The following MARK4 variants were observed in gnomAD, a reference collection of about 807,000 sequenced individuals.
The protein encoded by MARK4 is MAP/microtubule affinity-regulating kinase 4.
MARK4 carries 19 observed loss-of-function variants against 81.5 expected under a neutral mutation model. That is an observed-to-expected ratio of 0.23 (90% CI 0.16 to 0.34). The LOEUF (loss-of-function observed/expected upper bound fraction) is 0.34, where lower values mean the gene tolerates loss of function less well. Ranked by LOEUF, MARK4 falls within the 10% of genes least tolerant of loss-of-function variation. MARK4 has a pLI of 1.00. For missense variants in MARK4, 772 were observed against 1,058.8 expected, an observed-to-expected ratio of 0.73 and a Z score of 3.76; for synonymous variants, 436 against 439.0, an observed-to-expected ratio of 0.99 and a Z score of 0.08.
intron 8 of MARK4, among the ~76,000 whole-genome samples, 175 bp from the exon 9 acceptor site, chr19:45,277,748 T>A (rs368996981): frequency 7.9e-5 from 12 of 151,438 alleles, no homozygotes; most frequent in African/African-American, 2.9e-4. Flanking sequence ...GAGAAAGGAA[T>A]GGGGTTTTGC....
chr19:45,301,577 A>AAAAAAAAAAAC, intron 16 of MARK4, among the ~76,000 whole-genome samples: 1 of 144,256 alleles, frequency 6.9e-6, no homozygotes, highest in Non-Finnish European at 1.5e-5. Flanking sequence ...AAAAAAAAAA[A>AAAAAAAAAAAC]AAGCCGGGCG....
intron 9 of MARK4, 108 bp downstream of exon 9, chr19:45,278,150 T>A: frequency 6.8e-7 from 1 of 1,476,678 alleles, no homozygotes; most frequent in Non-Finnish European, 9.2e-7. Context: ...TCCTCTCCTG[T>A]GCCCACCGAA....
Position 45,286,094 on chromosome 19 carries a change from T to C in MARK4, c.1277-1353T>C, listed in dbSNP as rs186149510. Reference sequence around the variant, plus strand: ...TGTTTTTTGACGGAGTCTCGCACTGTTGCCAGACTGGAGTGCAATGGTGTG... The same window carrying C: ...TGTTTTTTGACGGAGTCTCGCACTGCTGCCAGACTGGAGTGCAATGGTGTG... On this transcript the variant is annotated intron_variant, in intron 12 of 16. Transcript: ENST00000262891. Among the ~76,000 whole-genome samples, 18 of 152,254 alleles carry C rather than the reference T, an allele frequency of 1.2e-4. No homozygotes were observed. In the East Asian group the frequency reaches 3.5e-3, roughly 30 times the overall value.
chr19:45,277,852 TG>T, intron 8 of MARK4, 70 bp from the exon 9 acceptor site: 2 of 1,426,300 alleles, frequency 1.4e-6, no homozygotes, highest in African/African-American at 2.8e-5. Context: ...TGTGTGTGTG[TG>T]TGTGTGTGTG....
In MARK4 at chr19:45,266,292, G is replaced by A. The variant is rs370210425; in HGVS notation, c.549+11G>A. The A allele has an allele frequency of 2.8e-4, 452 of 1,613,442 alleles. No individual in the cohort carries two copies. The Middle Eastern group carries it at 4.3e-3, about 15-fold the overall frequency. ...CACAGGGACCTGAAGGTAAGCCCCC[G>A]ACCCGCTGTGATCTCAGGGACCACG... is the stretch of plus-strand genomic sequence containing the variant. On this transcript the variant is annotated intron_variant, in intron 7 of 16. Transcript: ENST00000262891.
intron 14 of MARK4, among the ~76,000 whole-genome samples, chr19:45,297,234 A>G (rs975736455): frequency 1.3e-5 from 2 of 152,158 alleles, no homozygotes; most frequent in African/African-American, 2.4e-5. Context: ...CCAGATTACC[A>G]TAGTGAATAC....
chr19:45,252,336 C>T (rs1028266853), intron 1 of MARK4, among the ~76,000 whole-genome samples: 11 of 152,114 alleles, frequency 7.2e-5, no homozygotes, highest in Admixed American at 7.2e-4. Flanking sequence ...GCCACCTGGA[C>T]CCTTTCTGGT....
intron 1 of MARK4, among the ~76,000 whole-genome samples, chr19:45,255,955 G>A (rs1032812447): frequency 6.6e-6 from 1 of 152,252 alleles, no homozygotes; most frequent in Non-Finnish European, 1.5e-5. Flanking sequence ...GGTGACCTGC[G>A]GGGGAGAGAG....
At chr19:45,281,199 C>T (rs1970669449) in intron 12 of MARK4, among the ~76,000 whole-genome samples, 1 of 151,544 alleles carries the variant, frequency 6.6e-6, no homozygotes, top group Non-Finnish European at 1.5e-5. Context: ...ATTACAGGCG[C>T]CTGCCATAAC....
chr19:45,255,015 A>G (rs1419581056), intron 1 of MARK4, among the ~76,000 whole-genome samples: 1 of 152,140 alleles, frequency 6.6e-6, no homozygotes, highest in African/African-American at 2.4e-5. Context: ...AGCCCGGACA[A>G]CATAGCAAGA....
intron 8 of MARK4, among the ~76,000 whole-genome samples, chr19:45,272,256 T>C (rs1159067836): frequency 1.3e-5 from 2 of 152,166 alleles, no homozygotes; most frequent in East Asian, 3.9e-4. Flanking sequence ...CACTTGAACC[T>C]GGGAGATCAA....
chr19:45,280,341 A>T, intron 10 of MARK4, 33 bp from the exon 11 acceptor site: 1 of 1,561,918 alleles, frequency 6.4e-7, no homozygotes, highest in Non-Finnish European at 8.8e-7. Flanking sequence ...AGTTTCTGGG[A>T]GTCTGAAACT....
chr19:45,288,008 G>A (rs1599797977), intron 13 of MARK4: 1 of 326,202 alleles, frequency 3.1e-6, no homozygotes, highest in East Asian at 7.1e-5. Context: ...GGAGGCCGAG[G>A]CGGGAGGATC....
chr19:45,302,720 G>T lies in MARK4; in HGVS notation c.*10G>T, dbSNP rs1440878678. On this transcript the variant is annotated 3_prime_UTR_variant, in exon 17 of 17. Coordinates refer to ENST00000262891, the MANE Select transcript of MARK4 (RefSeq NM_001199867.2). The surrounding 1 kb of genome is among the most constrained non-coding windows in gnomAD (Gnocchi z 4.9). ...CGACCTCGAGCTCTGAGCCACCACG[G>T]TCCCAGGGCCCTTACTCTTCCTCTC... 6.5e-7 allele frequency: 1 copy of T among 1,535,970 alleles called. No individual in the cohort carries two copies. Among genetic ancestry groups the T allele is most frequent in the Middle Eastern group, 1.7e-4 (1 of 5,990 alleles).
At chr19:45,279,664 A>G (rs56384559) in intron 10 of MARK4, among the ~76,000 whole-genome samples, 3,514 of 152,320 alleles carry the variant, frequency 0.023, 57 homozygotes, top group Non-Finnish European at 0.035. Flanking sequence ...CAGTACCACC[A>G]ATTTTGTATG....
chr19:45,269,005 C>T (rs1970491198), intron 7 of MARK4, among the ~76,000 whole-genome samples: 1 of 152,112 alleles, frequency 6.6e-6, no homozygotes, highest in Admixed American at 6.6e-5. Flanking sequence ...CGTATTAGTA[C>T]ACCAGGGGTA....
Position 45,251,632 on chromosome 19 carries a change from C to T in MARK4, c.44C>T (p.Ser15Leu), listed in dbSNP as rs1331054790. Residue 15 changes from serine (S) to leucine (L), a missense_variant, in exon 1 of 17, where the codon TCG becomes TTG. Ser to Leu is a moderately radical substitution (Grantham distance 145). Around this residue, in one of 3 missense-constraint regions of MARK4, gnomAD observed 115 missense variants for 139.8 expected, o/e 0.82. Coordinates refer to ENST00000262891, the MANE Select transcript of MARK4 (RefSeq NM_001199867.2). ...TVLAPGNDRNSDTHGTLGSGR... is the reference protein window; with the variant it reads ...TVLAPGNDRNLDTHGTLGSGR... ...CTGGCCCCGGGCAACGATCGGAACT[C>T]GGACACGGTGAGTGGGGCCCGGCCC... 2.7e-6 allele frequency: 4 copies of T among 1,503,018 alleles called. No individual in the cohort carries two copies. The South Asian group carries it at 5.1e-5, about 19-fold the overall frequency. 93.1% of individuals were successfully genotyped at this position (1,503,018 alleles called of 1,614,324 possible). A position where few individuals can be genotyped will look rare whatever the true frequency, so the allele number is the denominator to read the frequency against.
chr19:45,272,322 A>G (rs994530323), intron 8 of MARK4, among the ~76,000 whole-genome samples: 3 of 152,034 alleles, frequency 2.0e-5, no homozygotes, highest in African/African-American at 7.2e-5. Context: ...ACAGAGGGAG[A>G]CCCTGTCTCC....
intron 12 of MARK4, among the ~76,000 whole-genome samples, chr19:45,284,773 T>G (rs1007196247): frequency 6.6e-6 from 1 of 151,930 alleles, no homozygotes; most frequent in Non-Finnish European, 1.5e-5. Flanking sequence ...GGCAACATGA[T>G]GAAACCTCAT....
Sources: allele counts gnomAD v4.1 joint callset (sites outside exome capture counted in the v4.1 genomes callset), GRCh38; gene constraint gnomAD v4.1.1; regional missense constraint gnomAD v4.1.1; non-coding constraint Gnocchi (gnomAD v3.1); transcripts MANE v1.5; gene names NCBI Gene and HGNC (gene_info 2026-07-23, HGNC 2026-07-21).